SHROOM3: variants seen among roughly 807,000 people sequenced by gnomAD.
The protein encoded by SHROOM3 is protein Shroom3.
In SHROOM3, 47 loss-of-function variants were observed where a neutral mutation model predicts 138.6. The observed-to-expected ratio is 0.34, with a 90% CI of 0.27 to 0.43. SHROOM3 has a LOEUF of 0.43. SHROOM3 is among the 20% of genes least tolerant of loss of function. SHROOM3 has a pLI of 1.00. For synonymous variants in SHROOM3, 1,062 were observed against 1,063.3 expected (o/e 1.00, Z 0.02); for missense variants, 2,491 against 2,596.5 (o/e 0.96, Z 0.88).
At chr4:76,449,282 A>T (rs951397901) in intron 1 of SHROOM3, among the ~76,000 whole-genome samples, 1 of 152,134 alleles carries the variant, frequency 6.6e-6, no homozygotes, top group Non-Finnish European at 1.5e-5. Context: ...AATTTTATTT[A>T]TATTGCTTCT....
chr4:76,487,280 C>CT (rs1164276134), intron 1 of SHROOM3, among the ~76,000 whole-genome samples: 9 of 152,128 alleles, frequency 5.9e-5, no homozygotes, highest in Admixed American at 4.6e-4. Context: ...TACTTTATTT[C>CT]TTTTTTATTG....
chr4:76,460,908 A>G (rs1175832509), intron 1 of SHROOM3, among the ~76,000 whole-genome samples: 1 of 149,708 alleles, frequency 6.7e-6, no homozygotes, highest in Non-Finnish European at 1.5e-5. Context: ...TAGGAGAATC[A>G]CCTGATTCTG....
chr4:76,644,747 A>C (rs1735775345), intron 2 of SHROOM3, among the ~76,000 whole-genome samples: 1 of 152,182 alleles, frequency 6.6e-6, no homozygotes, highest in African/African-American at 2.4e-5. Context: ...TTTCACTTTC[A>C]GCATCATTTC....
chr4:76,758,456 T>TAA (rs1252861362), intron 8 of SHROOM3: 2 of 106,954 alleles, frequency 1.9e-5, no homozygotes, highest in African/African-American at 4.3e-5. Context: ...TCCTGGGGAT[T>TAA]TAAAAAAAAA....
At chr4:76,514,062 T>A (rs1732396287) in intron 1 of SHROOM3, among the ~76,000 whole-genome samples, 1 of 152,106 alleles carries the variant, frequency 6.6e-6, no homozygotes, top group Non-Finnish European at 1.5e-5. Context: ...AAGTAAAAAA[T>A]ATGAAGCATA....
intron 2 of SHROOM3, among the ~76,000 whole-genome samples, chr4:76,637,977 T>G (rs1195322297): frequency 1.3e-5 from 2 of 152,102 alleles, no homozygotes; most frequent in Non-Finnish European, 2.9e-5. Flanking sequence ...TCCGGGGAAG[T>G]AGTCAACACC....
intron 2 of SHROOM3, among the ~76,000 whole-genome samples, chr4:76,612,155 A>C (rs149096125): frequency 0.011 from 1,655 of 152,274 alleles, 11 homozygotes; most frequent in Non-Finnish European, 0.017. Flanking sequence ...TTCCATCCAC[A>C]TATGGCAGTA....
chr4:76,483,077 G>A (rs1731651562), intron 1 of SHROOM3, among the ~76,000 whole-genome samples: 1 of 152,118 alleles, frequency 6.6e-6, no homozygotes, highest in South Asian at 2.1e-4. Context: ...TACCATTCAG[G>A]ACATAGGCAT....
chr4:76,672,511 T>A (rs2110098712), intron 2 of SHROOM3, among the ~76,000 whole-genome samples: 1 of 152,284 alleles, frequency 6.6e-6, no homozygotes, highest in East Asian at 1.9e-4. Flanking sequence ...GCAAGTTGAC[T>A]TGAAACTTAG....
chr4:76,554,209 T>A (rs115941085), intron 1 of SHROOM3, among the ~76,000 whole-genome samples: 2 of 152,204 alleles, frequency 1.3e-5, no homozygotes, highest in African/African-American at 4.8e-5. Flanking sequence ...TTGTGTGGTA[T>A]GTAGCCTTTT....
Position 76,780,094 on chromosome 4 carries a change from C to A in SHROOM3, c.*917C>A, listed in dbSNP as rs1419450517. 1 of 152,116 alleles carries A rather than the reference C, an allele frequency of 6.6e-6. No individual in the cohort carries two copies. Among genetic ancestry groups the A allele is most frequent in the Non-Finnish European group, 1.5e-5 (1 of 68,018 alleles). The allele number at this position is 152,116 out of a possible 1,614,324, so 9.4% of individuals were successfully genotyped here. A position where few individuals can be genotyped will look rare whatever the true frequency, so the allele number is the denominator to read the frequency against. On this transcript the variant is annotated 3_prime_UTR_variant, in exon 11 of 11. Coordinates refer to ENST00000296043, the MANE Select transcript of SHROOM3 (RefSeq NM_020859.4). ...ATTCAAACGGAGCCCATGCTGTTCTCCTGAACAAGATTTGGGCTAAATACG... is the reference window on the plus strand; with the variant it reads ...ATTCAAACGGAGCCCATGCTGTTCTACTGAACAAGATTTGGGCTAAATACG...
chr4:76,720,381 C>G (rs1016982773), intron 3 of SHROOM3, among the ~76,000 whole-genome samples: 1 of 151,860 alleles, frequency 6.6e-6, no homozygotes, highest in South Asian at 2.1e-4. Flanking sequence ...TTTTCTGTCT[C>G]CTGTGAACAT....
At chr4:76,469,630 G>A (rs1731325578) in intron 1 of SHROOM3, among the ~76,000 whole-genome samples, 1 of 152,070 alleles carries the variant, frequency 6.6e-6, no homozygotes, top group Non-Finnish European at 1.5e-5. Context: ...CTAATTTTTT[G>A]TATTTTAGTA....
chr4:76,449,319 T>C (rs1430678363), intron 1 of SHROOM3, among the ~76,000 whole-genome samples: 1 of 152,196 alleles, frequency 6.6e-6, no homozygotes, highest in East Asian at 1.9e-4. Flanking sequence ...TACTACAACA[T>C]AGACTAAAAA....
chr4:76,542,772 C>T (rs1055199419), intron 1 of SHROOM3, among the ~76,000 whole-genome samples: 5 of 152,176 alleles, frequency 3.3e-5, no homozygotes, highest in Admixed American at 6.5e-5. Flanking sequence ...TGCTTTAAGC[C>T]GGTAGGTTTG....
intron 1 of SHROOM3, among the ~76,000 whole-genome samples, chr4:76,516,417 G>A (rs954157886): frequency 5.9e-5 from 9 of 152,010 alleles, no homozygotes; most frequent in African/African-American, 2.2e-4. Flanking sequence ...GAAGCTATAG[G>A]CAGAGATGCT....
intron 2 of SHROOM3, among the ~76,000 whole-genome samples, chr4:76,640,910 G>A (rs1021256376): frequency 6.6e-6 from 1 of 152,190 alleles, no homozygotes; most frequent in Admixed American, 6.5e-5. Flanking sequence ...CAGAGGCCAG[G>A]TGAAACCAAG....
chr4:76,654,863 T>G (rs28568554), intron 2 of SHROOM3, among the ~76,000 whole-genome samples: 47,203 of 151,980 alleles, frequency 0.31, 7,456 homozygotes, highest in East Asian at 0.43. Context: ...AATGATAAAA[T>G]TAAGGCTCAA....
intron 2 of SHROOM3, among the ~76,000 whole-genome samples, chr4:76,566,104 G>A (rs1234554256): frequency 1.3e-4 from 15 of 118,090 alleles, no homozygotes; most frequent in African/African-American, 4.9e-4. Flanking sequence ...GCAAAACCCT[G>A]TCTCAAAAAA....
Sources: allele counts gnomAD v4.1 joint callset (sites outside exome capture counted in the v4.1 genomes callset), GRCh38; gene constraint gnomAD v4.1.1; transcripts MANE v1.5; gene names NCBI Gene and HGNC (gene_info 2026-07-23, HGNC 2026-07-21).